BAHCC1: variants seen among roughly 807,000 people sequenced by gnomAD.
BAHCC1 encodes the protein BAH domain and coiled-coil containing 1.
A neutral mutation model predicts 88.2 loss-of-function variants in BAHCC1; 43 were observed. The ratio of observed to expected loss-of-function variants is 0.49; its 90% CI spans 0.38 to 0.63. The LOEUF is 0.63. Among genes scored for constraint, BAHCC1 ranks in the 20% least tolerant of loss-of-function variants. The pLI is 0.00. For synonymous variants in BAHCC1, 1,510 were observed against 745.5 expected (o/e 2.03, Z -16.71); for missense variants, 3,023 against 1,654.8 (o/e 1.83, Z -14.34).
chr17:81,424,217 C>T (rs563608281), intron 2 of BAHCC1, among the ~76,000 whole-genome samples: 1 of 152,366 alleles, frequency 6.6e-6, no homozygotes, highest in African/African-American at 2.4e-5. Flanking sequence ...GAAGACCCCA[C>T]TCAGGAGAGA....
chr17:81,456,609 A>G, intron 16 of BAHCC1, 24 bp downstream of exon 16: 1 of 686,520 alleles, frequency 1.5e-6, no homozygotes, highest in South Asian at 1.6e-5. Context: ...GTGAGTGGCC[A>G]CTGCCAGGAG....
chr17:81,399,720 G>T lies in BAHCC1; in HGVS notation c.-20G>T. 2.9e-6 allele frequency: 3 copies of T among 1,050,082 alleles called. No individual in the cohort carries two copies. In the South Asian group the frequency reaches 1.3e-4, roughly 46 times the overall value. The allele number at this position is 1,050,082 out of a possible 1,614,324, so 65.0% of individuals were successfully genotyped here. A position where few individuals can be genotyped will look rare whatever the true frequency, so the allele number is the denominator to read the frequency against. On this transcript the variant is annotated 5_prime_UTR_variant, in exon 2 of 28. Coordinates refer to ENST00000675386, the MANE Select transcript of BAHCC1 (RefSeq NM_001377448.1). The surrounding 1 kb of genome is among the most constrained non-coding windows in gnomAD (Gnocchi z 4.5). ...GCGCTGCTCCGAGGAAGCGGCGGCG[G>T]ACCGGGGCCGGGGCCCGGCATGGAT...
intron 1 of BAHCC1, 118 bp downstream of exon 1, chr17:81,395,753 G>A (rs782125284): frequency 1.3e-5 from 2 of 149,394 alleles, no homozygotes; most frequent in Non-Finnish European, 3.0e-5. Context: ...TCAGGATTGT[G>A]ATGTTAAGAA....
chr17:81,399,566 T>C lies in BAHCC1; in HGVS notation c.-174T>C, dbSNP rs782180430. ...ACCCGCACAGCGGCCGCTGGCTCGGTGCGCGGCCGCCCGCCGAGAAGCCCA... is the reference window on the plus strand; with the variant it reads ...ACCCGCACAGCGGCCGCTGGCTCGGCGCGCGGCCGCCCGCCGAGAAGCCCA... On this transcript the variant is annotated 5_prime_UTR_variant, in exon 2 of 28. Transcript: ENST00000675386. The surrounding 1 kb of genome is among the most constrained non-coding windows in gnomAD (Gnocchi z 4.5). The C allele has an allele frequency of 2.0e-5, 8 of 395,972 alleles. No homozygotes were observed. Among genetic ancestry groups the C allele is most frequent in the South Asian group, 1.4e-4 (8 of 55,310 alleles). The allele number at this position is 395,972 out of a possible 1,614,324, so 24.5% of individuals were successfully genotyped here.
chr17:81,426,660 G>T, intron 2 of BAHCC1, 140 bp from the exon 3 acceptor site: 1 of 397,958 alleles, frequency 2.5e-6, no homozygotes. Flanking sequence ...TCGGTTTCTT[G>T]GATATTGAAA....
chr17:81,461,401 T>C lies in BAHCC1; in HGVS notation c.6738T>C (p.Tyr2246=). 1 of 723,998 alleles carries C rather than the reference T, an allele frequency of 1.4e-6. No individual in the cohort carries two copies. Among genetic ancestry groups the C allele is most frequent in the South Asian group, 1.5e-5 (1 of 66,554 alleles). 44.8% of individuals were successfully genotyped at this position (723,998 alleles called of 1,614,324 possible). A position where few individuals can be genotyped will look rare whatever the true frequency, so the allele number is the denominator to read the frequency against. The change falls in exon 26 of 28, where the codon TAT becomes TAC. Residue 2246 remains tyrosine, a synonymous_variant. Coordinates refer to ENST00000675386, the MANE Select transcript of BAHCC1 (RefSeq NM_001377448.1). Reference sequence around the variant, plus strand: ...GGCGGCCCCTGCCCAGCCCCAGCTATGTGCACCCGGCCCTTGTGGGCAAGG... The same window carrying C: ...GGCGGCCCCTGCCCAGCCCCAGCTACGTGCACCCGGCCCTTGTGGGCAAGG... The part of the protein sequence containing the change: ...KLGRPLPSPS[Y]VHPALVGKDK...
At chr17:81,418,796 CGTGTGTGTGTGTACGTGT>C (rs1406429831) in intron 2 of BAHCC1, among the ~76,000 whole-genome samples, 7 of 144,800 alleles carry the variant, frequency 4.8e-5, no homozygotes, top group African/African-American at 1.9e-4. Context: ...TACGTGTGTG[CGTGTGTGTGTGTACGTGT>C]GTGTGTGTGT....
intron 2 of BAHCC1, among the ~76,000 whole-genome samples, chr17:81,400,432 T>C (rs2063801015): frequency 6.6e-6 from 1 of 151,548 alleles, no homozygotes; most frequent in African/African-American, 2.4e-5. Flanking sequence ...ATCCTGTTTC[T>C]ATATAAAGCC....
At chr17:81,423,394 G>A (rs1420130609) in intron 2 of BAHCC1, among the ~76,000 whole-genome samples, 1 of 152,028 alleles carries the variant, frequency 6.6e-6, no homozygotes, top group Non-Finnish European at 1.5e-5. Context: ...CCTCATGTCT[G>A]GGAAGTTCCC....
intron 3 of BAHCC1, among the ~76,000 whole-genome samples, chr17:81,438,084 C>T (rs1331632209): frequency 2.0e-5 from 3 of 152,200 alleles, no homozygotes; most frequent in Non-Finnish European, 4.4e-5. Flanking sequence ...TGGGAGCTTC[C>T]GCGATCCTGA....
chr17:81,447,460 A>C lies in BAHCC1; in HGVS notation c.3588A>C (p.Ser1196=). The C allele has an allele frequency of 1.3e-6, 1 of 741,496 alleles. No homozygotes were observed. The highest frequency in any genetic ancestry group is 1.4e-5 in the South Asian group (1 of 69,560). 45.9% of individuals were successfully genotyped at this position (741,496 alleles called of 1,614,324 possible). A position where few individuals can be genotyped will look rare whatever the true frequency, so the allele number is the denominator to read the frequency against. The stretch of plus-strand genomic sequence containing the variant: ...AGGAGGGGGAGCAGGGGCCCTCGTC[A>C]GGGGCCTCCTCCCAAGTCCTGGAGC... The part of the protein sequence containing the change: ...SREEGEQGPS[S]GASSQVLEQR... The change falls in exon 11 of 28, where the codon TCA becomes TCC. Residue 1196 remains serine, a synonymous_variant. Transcript: ENST00000675386.
At chr17:81,441,607 A>G (rs1289928897) in intron 4 of BAHCC1, among the ~76,000 whole-genome samples, 1 of 145,628 alleles carries the variant, frequency 6.9e-6, no homozygotes, top group African/African-American at 2.5e-5. Context: ...GCTTGCAGTG[A>G]GCCGAGGTCA....
chr17:81,444,627 C>T (rs782127307), intron 7 of BAHCC1, 41 bp from the exon 8 acceptor site: 17 of 759,750 alleles, frequency 2.2e-5, no homozygotes, highest in East Asian at 7.3e-5. Context: ...TCCTGGTCCC[C>T]GAGAGTGCGA....
At chr17:81,441,699 A>C (rs1460387592) in intron 4 of BAHCC1, 132 bp from the exon 5 acceptor site, 7 of 453,372 alleles carry the variant, frequency 1.5e-5, no homozygotes, top group Non-Finnish European at 2.7e-5. Context: ...AAGAGCAAAA[A>C]CCTTCCCTAG....
rs1555655915 is a variant in BAHCC1, at chr17:81,451,953, CTGTGCCCCCCCCACCAGG to C, written c.4180-8_4189del. 3.3e-6 allele frequency: 2 copies of C among 613,030 alleles called. No homozygotes were observed. Among genetic ancestry groups the C allele is most frequent in the Admixed American group, 2.7e-5 (1 of 36,602 alleles). The allele number at this position is 613,030 out of a possible 1,614,324, so 38.0% of individuals were successfully genotyped here. A position where few individuals can be genotyped will look rare whatever the true frequency, so the allele number is the denominator to read the frequency against. Reference sequence around the variant, plus strand: ...GGGCCCTGGCCCGGCTCACAGGCCCCTGTGCCCCCCCCACCAGGTGTGCCCCCTGAAGGCCGCCATCGA... The same window carrying C: ...GGGCCCTGGCCCGGCTCACAGGCCCCTGTGCCCCCTGAAGGCCGCCATCGA... On this transcript the variant is annotated splice_acceptor_variant and splice_polypyrimidine_tract_variant and coding_sequence_variant and intron_variant, in exon 13 of 28. Coordinates refer to ENST00000675386, the MANE Select transcript of BAHCC1 (RefSeq NM_001377448.1). LOFTEE classifies it high-confidence loss of function.
chr17:81,456,285 C>T lies in BAHCC1; in HGVS notation c.4570-12C>T. On this transcript the variant is annotated splice_polypyrimidine_tract_variant and intron_variant, in intron 15 of 27. Coordinates refer to ENST00000675386, the MANE Select transcript of BAHCC1 (RefSeq NM_001377448.1). Reference sequence around the variant, plus strand: ...GCGCCCTGAGAGTGCAGCTGCCCCTCCCTGTTCACAGGAGAAGGCGCAGTG... The same window carrying T: ...GCGCCCTGAGAGTGCAGCTGCCCCTTCCTGTTCACAGGAGAAGGCGCAGTG... 3 of 708,626 alleles carry T rather than the reference C, an allele frequency of 4.2e-6. No individual in the cohort carries two copies. Among genetic ancestry groups the T allele is most frequent in the Admixed American group, 2.1e-5 (1 of 46,990 alleles). 43.9% of individuals were successfully genotyped at this position (708,626 alleles called of 1,614,324 possible). A position where few individuals can be genotyped will look rare whatever the true frequency, so the allele number is the denominator to read the frequency against.
At chr17:81,412,101 G>A (rs1183502824) in intron 2 of BAHCC1, among the ~76,000 whole-genome samples, 2 of 152,178 alleles carry the variant, frequency 1.3e-5, no homozygotes, top group Non-Finnish European at 2.9e-5. Context: ...TGGCTGTGGA[G>A]TGGCAGGAAA....
chr17:81,425,799 TGGTG>T (rs2064184661), intron 2 of BAHCC1, among the ~76,000 whole-genome samples: 1 of 134,730 alleles, frequency 7.4e-6, no homozygotes, highest in African/African-American at 2.9e-5. Context: ...TTGAGGGTGA[TGGTG>T]GGTCGTGGTG....
intron 3 of BAHCC1, among the ~76,000 whole-genome samples, chr17:81,437,488 G>T (rs1339591026): frequency 6.6e-6 from 1 of 152,190 alleles, no homozygotes; most frequent in African/African-American, 2.4e-5. Flanking sequence ...GGGTTCTGGT[G>T]CCTGCAGGCC....
Sources: allele counts gnomAD v4.1 joint callset (sites outside exome capture counted in the v4.1 genomes callset), GRCh38; gene constraint gnomAD v4.1.1; non-coding constraint Gnocchi (gnomAD v3.1); transcripts MANE v1.5; gene names NCBI Gene and HGNC (gene_info 2026-07-23, HGNC 2026-07-21).